The following FYB2 variants were observed in gnomAD, a reference collection of about 807,000 sequenced individuals.
FYB2 encodes the protein FYN-binding protein 2.
A neutral mutation model predicts 94.1 loss-of-function variants in FYB2; 103 were observed. The observed-to-expected ratio is 1.09, with a 90% confidence interval of 0.93 to 1.29. The LOEUF is 1.29. FYB2 is among the 50% of genes most tolerant of loss of function. The pLI, the probability that FYB2 is intolerant of heterozygous loss-of-function variation, is 0.00. For synonymous variants in FYB2, 293 were observed against 287.9 expected (o/e 1.02, Z -0.18); for missense variants, 896 against 841.5 (o/e 1.06, Z -0.80).
intron 4 of FYB2, among the ~76,000 whole-genome samples, chr1:56,770,014 T>G (rs1406683777): frequency 6.6e-6 from 1 of 152,088 alleles, no homozygotes; most frequent in Non-Finnish European, 1.5e-5. Context: ...TAGACCAACT[T>G]CAGTGTGACT....
chr1:56,814,470 G>C (rs1193797115), intron 1 of FYB2, among the ~76,000 whole-genome samples: 1 of 152,190 alleles, frequency 6.6e-6, no homozygotes, highest in Non-Finnish European at 1.5e-5. Flanking sequence ...GCTGCATAAG[G>C]CTGGCTGAAA....
At chr1:56,803,642 T>C (rs902668897) in intron 1 of FYB2, among the ~76,000 whole-genome samples, 28 of 152,192 alleles carry the variant, frequency 1.8e-4, no homozygotes, top group African/African-American at 6.8e-4. Context: ...TAATATAGTG[T>C]TTCACAAGTA....
chr1:56,784,150 T>C (rs1414588855), intron 4 of FYB2, among the ~76,000 whole-genome samples: 1 of 152,204 alleles, frequency 6.6e-6, no homozygotes, highest in Non-Finnish European at 1.5e-5. Context: ...GACTCCTGTT[T>C]TATACATTAT....
At position 56,720,339 on chromosome 1, in the gene FYB2, G is replaced by C. The variant is rs1644462383; in HGVS notation, c.1975-10C>G. ...TAATCTCTTTGTCGTACTGAAATGAGAAATTACTAATCAGACCATTCTTGC... is the reference window on the plus strand; with the variant it reads ...TAATCTCTTTGTCGTACTGAAATGACAAATTACTAATCAGACCATTCTTGC... On this transcript the variant is annotated splice_polypyrimidine_tract_variant and intron_variant, in intron 17 of 19. Transcript: ENST00000343433. 1.3e-6 allele frequency: 2 copies of C among 1,590,628 alleles called. No homozygotes were observed. The highest frequency in any genetic ancestry group is 1.7e-6 in the Non-Finnish European group (2 of 1,171,214).
Position 56,744,279 on chromosome 1 carries a change from C to G in FYB2, c.1388-13G>C. On this transcript the variant is annotated splice_polypyrimidine_tract_variant and intron_variant, in intron 9 of 19. Transcript: ENST00000343433. ...TCCAGATGCCCACCTGAAAGGAAAC[C>G]AGAAAACCTGAAAAACATCACATCA... 6.3e-7 allele frequency: 1 copy of G among 1,589,738 alleles called. No homozygotes were observed. Among genetic ancestry groups the G allele is most frequent in the African/African-American group, 1.3e-5 (1 of 74,196 alleles).
chr1:56,768,795 T>C (rs555174963), intron 4 of FYB2, among the ~76,000 whole-genome samples: 1 of 152,206 alleles, frequency 6.6e-6, no homozygotes, highest in East Asian at 1.9e-4. Flanking sequence ...GGGACCTAAA[T>C]AATAGAATAA....
At chr1:56,764,351 T>A (rs1050920452) in intron 5 of FYB2, among the ~76,000 whole-genome samples, 5 of 152,174 alleles carry the variant, frequency 3.3e-5, no homozygotes, top group African/African-American at 1.2e-4. Context: ...TCCAGAAGTC[T>A]AATGACATGA....
intron 4 of FYB2, among the ~76,000 whole-genome samples, chr1:56,779,292 T>C (rs1645954514): frequency 6.6e-6 from 1 of 152,172 alleles, no homozygotes; most frequent in Admixed American, 6.5e-5. Context: ...AATTAAATAT[T>C]TAATTCAAAA....
chr1:56,751,351 G>A, intron 8 of FYB2, 148 bp from the exon 9 acceptor site: 1 of 931,882 alleles, frequency 1.1e-6, no homozygotes, highest in Middle Eastern at 3.4e-4. Flanking sequence ...TAGACTCTAA[G>A]TTTCCTGAAG....
rs1646196074 is a variant in FYB2 at position 56,788,977 on chromosome 1, C to T, written c.915G>A (p.Gly305=). The change falls in exon 3 of 20, where the codon GGG becomes GGA. Residue 305 remains glycine, a synonymous_variant. Coordinates refer to ENST00000343433, the MANE Select transcript of FYB2 (RefSeq NM_001004303.5). ...RQPAAVPKTQ[G]EVTVEEGSLS... ...GGGCCCTGTGCATTTCCTTACCTTC[C>T]CCCTGAGTCTTGGGAACAGCAGCTG... 2 of 1,614,026 alleles carry T rather than the reference C, an allele frequency of 1.2e-6. No individual in the cohort carries two copies. Among genetic ancestry groups the T allele is most frequent in the East Asian group, 4.5e-5 (2 of 44,862 alleles).
intron 8 of FYB2, 151 bp downstream of exon 8, chr1:56,753,688 A>G (rs963880706): frequency 1.7e-6 from 1 of 602,648 alleles, no homozygotes. Context: ...GCTTAGTGTC[A>G]TTGTTACATT....
chr1:56,769,281 C>A (rs1418759423), intron 4 of FYB2, among the ~76,000 whole-genome samples: 1 of 152,110 alleles, frequency 6.6e-6, no homozygotes, highest in Non-Finnish European at 1.5e-5. Flanking sequence ...CTCAAGTGAT[C>A]CACCTGCCTT....
At position 56,787,226 on chromosome 1, in the gene FYB2, G is replaced by C; in HGVS notation, c.920-18C>G. 6.2e-7 allele frequency: 1 copy of C among 1,613,736 alleles called. No homozygotes were observed. Among genetic ancestry groups the C allele is most frequent in the South Asian group, 1.1e-5 (1 of 91,058 alleles). On this transcript the variant is annotated intron_variant, in intron 3 of 19. Transcript: ENST00000343433. ...CACAGTCACTGCAAGAGAAAGAGGC[G>C]GAATGAAAAAGAGGCATTTGCAGCA...
upstream of FYB2, among the ~76,000 whole-genome samples, chr1:56,822,889 G>A (rs1647000787): frequency 6.6e-6 from 1 of 151,116 alleles, no homozygotes; most frequent in Non-Finnish European, 1.5e-5. Context: ...GAGTTAGGCT[G>A]GTGCTGCTAG....
In FYB2 at chr1:56,795,586, A is replaced by G. The variant is rs142179160; in HGVS notation, c.10-2783T>C. On this transcript the variant is annotated intron_variant, in intron 1 of 19. Transcript: ENST00000343433. ...TTCCATAGCAACTGCACCATTTTAC[A>G]TTCTCACCAACAGTGTACAGGGGTT... Among the ~76,000 whole-genome samples the G allele has an allele frequency of 9.4e-3, 1,404 of 150,036 alleles. 14 individuals are homozygous for G. Among genetic ancestry groups the G allele is most frequent in the Non-Finnish European group, 0.013 (863 of 67,744 alleles).
chr1:56,755,153 C>T (rs952042490), intron 7 of FYB2, among the ~76,000 whole-genome samples: 1 of 152,030 alleles, frequency 6.6e-6, no homozygotes, highest in African/African-American at 2.4e-5. Flanking sequence ...CTACTATGTG[C>T]CAGGGCATTC....
At chr1:56,825,827 A>C in the FYB2 span, among the ~76,000 whole-genome samples, 2 of 152,254 alleles carry the variant, frequency 1.3e-5, no homozygotes, top group Admixed American at 1.3e-4. Context: ...TACCTGCTGC[A>C]TTTCTCCCTT....
intron 2 of FYB2, among the ~76,000 whole-genome samples, chr1:56,791,343 C>T (rs776717326): frequency 6.6e-6 from 1 of 151,526 alleles, no homozygotes; most frequent in Non-Finnish European, 1.5e-5. Flanking sequence ...ACAACCTCTG[C>T]CTCCCAGGTT....
chr1:56,733,032 A>ACAGAAT (rs1370769251), intron 15 of FYB2, among the ~76,000 whole-genome samples: 1 of 152,148 alleles, frequency 6.6e-6, no homozygotes, highest in African/African-American at 2.4e-5. Flanking sequence ...AACAATCAAC[A>ACAGAAT]GAGTGAAAAG....
Sources: allele counts gnomAD v4.1 joint callset (sites outside exome capture counted in the v4.1 genomes callset), GRCh38; gene constraint gnomAD v4.1.1; transcripts MANE v1.5; gene names NCBI Gene and HGNC (gene_info 2026-07-23, HGNC 2026-07-21).